The following JDP2 variants were observed in gnomAD, a reference collection of about 807,000 sequenced individuals.
JDP2 encodes Jun dimerization protein 2.
In JDP2, 9 loss-of-function variants were observed where a neutral mutation model predicts 17.1. The observed-to-expected ratio is 0.53, with a 90% CI of 0.32 to 0.92. JDP2 has a LOEUF of 0.92. JDP2 is among the 40% of genes least tolerant of loss of function. The pLI, the probability that JDP2 is intolerant of heterozygous loss-of-function variation, is 0.04. For synonymous variants in JDP2, 107 were observed against 95.6 expected, an observed-to-expected ratio of 1.12 and a Z score of -0.69; for missense variants, 179 against 220.0, an observed-to-expected ratio of 0.81 and a Z score of 1.18.
In JDP2 at chr14:75,428,057, G is replaced by T. The variant is rs1190793103; in HGVS notation, c.-219G>T. 1 of 149,370 alleles carries T rather than the reference G, an allele frequency of 6.7e-6. No homozygotes were observed. The highest frequency in any genetic ancestry group is 1.5e-5 in the Non-Finnish European group (1 of 67,042). The allele number at this position is 149,370 out of a possible 1,614,324, so 9.3% of individuals were successfully genotyped here. A position where few individuals can be genotyped will look rare whatever the true frequency, so the allele number is the denominator to read the frequency against. On this transcript the variant is annotated 5_prime_UTR_variant, in exon 1 of 4. Transcript: ENST00000651602. The surrounding 1 kb of genome is among the most constrained non-coding windows in gnomAD (Gnocchi z 5.6). ...ACAGCCTGCGGGAGGGACGCTCGGCGGCCGCGACGGGGGGCGCTGGCGGCG... is the reference window on the plus strand; with the variant it reads ...ACAGCCTGCGGGAGGGACGCTCGGCTGCCGCGACGGGGGGCGCTGGCGGCG...
chr14:75,443,792 C>T (rs868604206), intron 2 of JDP2, among the ~76,000 whole-genome samples: 1 of 152,128 alleles, frequency 6.6e-6, no homozygotes, highest in African/African-American at 2.4e-5. Flanking sequence ...ATCTCTATGT[C>T]CTTAGCAGAA....
At position 75,470,875 on chromosome 14, in the gene JDP2, G is replaced by C. The variant is rs1886793947; in HGVS notation, c.*1400G>C. 1 of 152,234 alleles carries C rather than the reference G, an allele frequency of 6.6e-6. No homozygotes were observed. Among genetic ancestry groups the C allele is most frequent in the Non-Finnish European group, 1.5e-5 (1 of 68,038 alleles). 9.4% of individuals were successfully genotyped at this position (152,234 alleles called of 1,614,324 possible). On this transcript the variant is annotated 3_prime_UTR_variant, in exon 4 of 4. Coordinates refer to ENST00000651602, the MANE Select transcript of JDP2 (RefSeq NM_001135048.2). ...AGAGGTCCAGGGAATTAAACTCGCA[G>C]ACACCATTTGTTGAAGACTTATTTT...
chr14:75,435,568 C>A (rs1350524658), intron 1 of JDP2, among the ~76,000 whole-genome samples: 1 of 152,196 alleles, frequency 6.6e-6, no homozygotes, highest in Non-Finnish European at 1.5e-5. Flanking sequence ...AAGCTTTGGT[C>A]TAGAACCCTG....
At chr14:75,454,439 T>A (rs1886010745) in intron 2 of JDP2, among the ~76,000 whole-genome samples, 1 of 152,204 alleles carries the variant, frequency 6.6e-6, no homozygotes, top group South Asian at 2.1e-4. Context: ...CTGTGCTGGG[T>A]GACTTACTGA....
At chr14:75,448,770 C>T (rs1246862776) in intron 2 of JDP2, among the ~76,000 whole-genome samples, 1 of 152,180 alleles carries the variant, frequency 6.6e-6, no homozygotes, top group Non-Finnish European at 1.5e-5. Context: ...AGAAGCTGTT[C>T]TCATGCCAAA....
intron 1 of JDP2, among the ~76,000 whole-genome samples, chr14:75,435,265 C>T (rs1301506505): frequency 6.6e-6 from 1 of 152,224 alleles, no homozygotes; most frequent in Non-Finnish European, 1.5e-5. Flanking sequence ...CTTACTGCCA[C>T]TAGGCTCCAG....
At chr14:75,466,381 C>T (rs1886570407) in intron 3 of JDP2, among the ~76,000 whole-genome samples, 2 of 152,148 alleles carry the variant, frequency 1.3e-5, no homozygotes, top group South Asian at 2.1e-4. Flanking sequence ...GCAGAGGTTG[C>T]AGTGAGCCAA....
chr14:75,451,565 G>A (rs1885866245), intron 2 of JDP2, among the ~76,000 whole-genome samples: 1 of 152,216 alleles, frequency 6.6e-6, no homozygotes, highest in Non-Finnish European at 1.5e-5. Flanking sequence ...AGATCCACAG[G>A]CCGTGCGTAT....
intron 2 of JDP2, among the ~76,000 whole-genome samples, chr14:75,454,685 A>G (rs1254446698): frequency 6.6e-6 from 1 of 152,204 alleles, no homozygotes; most frequent in African/African-American, 2.4e-5. Flanking sequence ...GGGAGATAGT[A>G]ACAGGACAGG....
At chr14:75,455,185 T>C (rs1186216922) in intron 2 of JDP2, among the ~76,000 whole-genome samples, 1 of 152,194 alleles carries the variant, frequency 6.6e-6, no homozygotes, top group African/African-American at 2.4e-5. Context: ...TCAGTAGGTC[T>C]GGGTGGCCTT....
At chr14:75,450,500 C>G (rs1375434241) in intron 2 of JDP2, among the ~76,000 whole-genome samples, 1 of 152,232 alleles carries the variant, frequency 6.6e-6, no homozygotes, top group Non-Finnish European at 1.5e-5. Context: ...GCCATGGGAG[C>G]CGAGTGACTC....
chr14:75,439,534 C>T (rs1172081140), intron 2 of JDP2, among the ~76,000 whole-genome samples: 1 of 152,220 alleles, frequency 6.6e-6, no homozygotes, highest in Non-Finnish European at 1.5e-5. Context: ...ATCCTACTTA[C>T]ATTGTTGGTT....
chr14:75,429,626 C>G (rs138714090), intron 1 of JDP2, among the ~76,000 whole-genome samples: 1 of 152,272 alleles, frequency 6.6e-6, no homozygotes, highest in Non-Finnish European at 1.5e-5. Flanking sequence ...GCTTATCTTC[C>G]TTTGCAGGTT....
rs76450760 is a variant in JDP2 at position 75,444,649 on chromosome 14, C to T, written c.201+6528C>T. On this transcript the variant is annotated intron_variant, in intron 2 of 3. Transcript: ENST00000651602. ...ACATACTGCACATGGTGACTGGATC[C>T]ACATCCTCATCACAGAGCTTCATCG... Among the ~76,000 whole-genome samples the T allele has an allele frequency of 1.9e-3, 287 of 152,318 alleles. 1 individual carries two copies. In the East Asian group the frequency reaches 0.035, roughly 19 times the overall value.
intron 1 of JDP2, chr14:75,432,098 C>A: frequency 1.7e-6 from 1 of 580,716 alleles, no homozygotes; most frequent in South Asian, 2.1e-5. Flanking sequence ...TCTTAACCCC[C>A]CCTTCCTCTT....
chr14:75,449,888 T>C (rs1885773311), intron 2 of JDP2, among the ~76,000 whole-genome samples: 1 of 152,192 alleles, frequency 6.6e-6, no homozygotes, highest in East Asian at 1.9e-4. Context: ...TGTAAATGGG[T>C]GTCACCCTGC....
Position 75,469,517 on chromosome 14 carries a change from G to A in JDP2, c.*42G>A, listed in dbSNP as rs760241566. ...GGTGGAGGAGGAGGAAGAGGAGAAG[G>A]AAAAGTGACGAAGAGAGAGGAGGAG... On this transcript the variant is annotated 3_prime_UTR_variant, in exon 4 of 4. Coordinates refer to ENST00000651602, the MANE Select transcript of JDP2 (RefSeq NM_001135048.2). The A allele has an allele frequency of 1.3e-6, 2 of 1,585,180 alleles. No homozygotes were observed. The highest frequency in any genetic ancestry group is 1.4e-5 in the African/African-American group (1 of 73,920).
intron 2 of JDP2, 119 bp downstream of exon 2, chr14:75,438,240 T>C: frequency 4.1e-6 from 3 of 730,640 alleles, no homozygotes; most frequent in South Asian, 4.6e-5. Context: ...CACCCTGGGG[T>C]TATCAGAAAT....
chr14:75,472,123 T>TA lies in JDP2; in HGVS notation c.*2649dup, dbSNP rs1886827102. 1 of 152,362 alleles carries TA rather than the reference T, an allele frequency of 6.6e-6. No homozygotes were observed. Among genetic ancestry groups the TA allele is most frequent in the Admixed American group, 6.5e-5 (1 of 15,304 alleles). The allele number at this position is 152,362 out of a possible 1,614,324, so 9.4% of individuals were successfully genotyped here. A position where few individuals can be genotyped will look rare whatever the true frequency, so the allele number is the denominator to read the frequency against. ...TGCTCCTGTGGCTAGAAGTCACAAT[T>TA]ATAGGCTTCATTGCAAGAGCCAGCA... On this transcript the variant is annotated 3_prime_UTR_variant, in exon 4 of 4. Transcript: ENST00000651602.
Sources: allele counts gnomAD v4.1 joint callset (sites outside exome capture counted in the v4.1 genomes callset), GRCh38; gene constraint gnomAD v4.1.1; non-coding constraint Gnocchi (gnomAD v3.1); transcripts MANE v1.5; gene names NCBI Gene and HGNC (gene_info 2026-07-23, HGNC 2026-07-21).